Variants in SPOCK1 observed in about 807,000 individuals in gnomAD.
SPOCK1 encodes the protein SPARC (osteonectin), cwcv and kazal like domains proteoglycan 1.
Under a neutral mutation model 55.3 loss-of-function variants are expected in SPOCK1, and 23 were observed. The observed-to-expected ratio is 0.42, with a 90% CI of 0.30 to 0.59. SPOCK1 has a LOEUF of 0.59. SPOCK1 is among the 20% of genes least tolerant of loss of function. The probability of loss-of-function intolerance (pLI) is 0.22; values close to 1 mark genes in which losing one functional copy is unlikely to be tolerated. For synonymous variants in SPOCK1, 226 were observed against 221.0 expected, an observed-to-expected ratio of 1.02 and a Z score of -0.20; for missense variants, 499 against 552.5, an observed-to-expected ratio of 0.90 and a Z score of 0.97.
At chr5:137,164,442 T>C (rs749232386) in intron 3 of SPOCK1, among the ~76,000 whole-genome samples, 2 of 152,182 alleles carry the variant, frequency 1.3e-5, no homozygotes, top group Non-Finnish European at 2.9e-5. Flanking sequence ...CCAGCAGTGA[T>C]AGCCAGGTAG....
At chr5:137,016,171 C>T (rs564379125) in intron 6 of SPOCK1, among the ~76,000 whole-genome samples, 5 of 152,310 alleles carry the variant, frequency 3.3e-5, no homozygotes, top group African/African-American at 7.2e-5. Flanking sequence ...AACCCCCGCA[C>T]GTTCCTACCT....
chr5:137,410,021 C>T (rs1404796757), intron 2 of SPOCK1, among the ~76,000 whole-genome samples: 5 of 152,230 alleles, frequency 3.3e-5, no homozygotes. Context: ...CCATGAGCCA[C>T]CTCCCACTGC....
chr5:137,256,113 T>C (rs1268882634), intron 3 of SPOCK1, among the ~76,000 whole-genome samples: 5 of 152,160 alleles, frequency 3.3e-5, no homozygotes, highest in Non-Finnish European at 7.4e-5. Flanking sequence ...CTTTGGGAAG[T>C]GGCATATGTT....
At chr5:137,274,553 C>T (rs891078255) in intron 2 of SPOCK1, among the ~76,000 whole-genome samples, 1 of 152,200 alleles carries the variant, frequency 6.6e-6, no homozygotes, top group Non-Finnish European at 1.5e-5. Flanking sequence ...AAAAGGTACA[C>T]AATTTCATGT....
chr5:137,431,486 GGTTT>G (rs1411964965), intron 2 of SPOCK1, among the ~76,000 whole-genome samples: 1 of 152,170 alleles, frequency 6.6e-6, no homozygotes, highest in African/African-American at 2.4e-5. Flanking sequence ...ATTTGGATAT[GGTTT>G]GTTTGTCCCC....
At chr5:137,034,469 T>G (rs1337850357) in intron 6 of SPOCK1, among the ~76,000 whole-genome samples, 1 of 152,152 alleles carries the variant, frequency 6.6e-6, no homozygotes, top group Non-Finnish European at 1.5e-5. Context: ...GAGAACCCCT[T>G]GCACCCATTG....
At chr5:137,426,978 C>A (rs1752645904) in intron 2 of SPOCK1, among the ~76,000 whole-genome samples, 1 of 152,202 alleles carries the variant, frequency 6.6e-6, no homozygotes, top group Non-Finnish European at 1.5e-5. Flanking sequence ...AGCTTCCAAG[C>A]CAAGGACTTC....
intron 3 of SPOCK1, among the ~76,000 whole-genome samples, chr5:137,208,164 A>AT (rs1034954689): frequency 5.9e-5 from 9 of 152,214 alleles, no homozygotes; most frequent in Admixed American, 3.9e-4. Context: ...GAAAAACATT[A>AT]TTTTTTTCTA....
chr5:137,323,256 T>A (rs748136806), intron 2 of SPOCK1, among the ~76,000 whole-genome samples: 4 of 152,192 alleles, frequency 2.6e-5, no homozygotes, highest in Admixed American at 1.3e-4. Flanking sequence ...GGATTTTTTT[T>A]AAAAGAAAAT....
At chr5:137,288,116 C>G (rs1410088914) in intron 2 of SPOCK1, among the ~76,000 whole-genome samples, 1 of 152,172 alleles carries the variant, frequency 6.6e-6, no homozygotes, top group Admixed American at 6.5e-5. Context: ...ATTGATGGTG[C>G]TCACTCAGCA....
rs886090517 is a variant in SPOCK1, at chr5:137,456,566, A to T, written c.186+41807T>A. On this transcript the variant is annotated intron_variant, in intron 2 of 10. Transcript: ENST00000394945. ...CCCATCAGCTTAATTAGAATTTTTG[A>T]TGTATTTATTCAGTCAATGAACACT... 2.6e-5 allele frequency among the ~76,000 whole-genome samples: 4 copies of T among 152,190 alleles called. No individual in the cohort carries two copies. In the East Asian group the frequency reaches 5.8e-4, roughly 22 times the overall value.
chr5:137,152,859 G>C (rs916667709), intron 3 of SPOCK1, among the ~76,000 whole-genome samples: 1 of 152,136 alleles, frequency 6.6e-6, no homozygotes, highest in African/African-American at 2.4e-5. Flanking sequence ...AGCCTTGACT[G>C]CACTGCTCAA....
At chr5:137,086,198 C>A (rs1752957288) in intron 5 of SPOCK1, among the ~76,000 whole-genome samples, 1 of 152,154 alleles carries the variant, frequency 6.6e-6, no homozygotes, top group African/African-American at 2.4e-5. Flanking sequence ...CCTTCTACCC[C>A]TCCCTGCATC....
At chr5:137,061,442 T>C (rs1752392957) in intron 6 of SPOCK1, among the ~76,000 whole-genome samples, 2 of 152,118 alleles carry the variant, frequency 1.3e-5, no homozygotes, top group Admixed American at 6.5e-5. Context: ...GAAAAGAAAA[T>C]CACTGTAGAC....
At chr5:137,159,600 C>T (rs1754486493) in intron 3 of SPOCK1, among the ~76,000 whole-genome samples, 1 of 151,096 alleles carries the variant, frequency 6.6e-6, no homozygotes, top group African/African-American at 2.4e-5. Flanking sequence ...ATTTGGTTTT[C>T]TGTTCCTAAG....
chr5:137,013,314 G>A (rs1263520925), intron 6 of SPOCK1, among the ~76,000 whole-genome samples: 3 of 152,176 alleles, frequency 2.0e-5, no homozygotes, highest in African/African-American at 7.2e-5. Context: ...AAAGATTGCT[G>A]GAGATCAGAA....
chr5:137,212,602 G>A (rs1416283851), intron 3 of SPOCK1, among the ~76,000 whole-genome samples: 1 of 152,208 alleles, frequency 6.6e-6, no homozygotes, highest in African/African-American at 2.4e-5. Context: ...CATAGTGCCT[G>A]ATTAACAATC....
intron 3 of SPOCK1, among the ~76,000 whole-genome samples, chr5:137,246,617 ACT>A (rs1322087259): frequency 6.6e-6 from 1 of 151,952 alleles, no homozygotes; most frequent in Non-Finnish European, 1.5e-5. Flanking sequence ...GTAATGATAG[ACT>A]CTAAATTTGA....
At chr5:137,243,035 GAATT>G (rs1756318103) in intron 3 of SPOCK1, among the ~76,000 whole-genome samples, 1 of 152,008 alleles carries the variant, frequency 6.6e-6, no homozygotes, top group African/African-American at 2.4e-5. Flanking sequence ...TGAACCAACT[GAATT>G]TATTCCTTAT....
Sources: gnomAD v4.1 joint callset for allele counts (sites outside exome capture counted in the v4.1 genomes callset) on GRCh38, gnomAD v4.1.1 for gene constraint, MANE v1.5 for transcripts, NCBI Gene and HGNC (gene_info 2026-07-23, HGNC 2026-07-21) for gene names.